The following GRIK1 variants were observed in gnomAD, a reference collection of about 807,000 sequenced individuals.
GRIK1 encodes the protein glutamate ionotropic receptor kainate type subunit 1.
GRIK1 carries 69 observed loss-of-function variants against 105.7 expected under a neutral mutation model. That is an observed-to-expected ratio of 0.65 (90% CI 0.54 to 0.80). GRIK1 has a LOEUF of 0.80. Among genes scored for constraint, GRIK1 ranks in the 30% least tolerant of loss-of-function variants. The pLI is 0.00. For missense variants in GRIK1, 1,109 were observed against 1,167.3 expected (o/e 0.95, Z 0.73); for synonymous variants, 438 against 431.3 (o/e 1.02, Z -0.19).
At chr21:29,692,546 A>G (rs1243219857) in intron 2 of GRIK1, among the ~76,000 whole-genome samples, 1 of 152,194 alleles carries the variant, frequency 6.6e-6, no homozygotes, top group Non-Finnish European at 1.5e-5. Flanking sequence ...AAGTCAGGCC[A>G]TAGATATAAA....
At chr21:29,846,448 AGAAG>A (rs199535259) in intron 1 of GRIK1, among the ~76,000 whole-genome samples, 1 of 73,722 alleles carries the variant, frequency 1.4e-5, no homozygotes, top group African/African-American at 7.8e-5. Flanking sequence ...AAAGAAGGAA[AGAAG>A]GAAAGAGAGA....
chr21:29,567,671 A>G (rs927423024), intron 14 of GRIK1, among the ~76,000 whole-genome samples: 1 of 152,232 alleles, frequency 6.6e-6, no homozygotes, highest in African/African-American at 2.4e-5. Flanking sequence ...CTGATTTAAG[A>G]CAACCCTTAA....
At chr21:29,903,925 C>T (rs1293858623) in intron 1 of GRIK1, among the ~76,000 whole-genome samples, 1 of 152,102 alleles carries the variant, frequency 6.6e-6, no homozygotes, top group African/African-American at 2.4e-5. Context: ...ACATATACAC[C>T]ATGGAATACC....
At chr21:29,840,197 T>C (rs1375727113) in intron 1 of GRIK1, among the ~76,000 whole-genome samples, 3 of 152,218 alleles carry the variant, frequency 2.0e-5, no homozygotes, top group African/African-American at 7.2e-5. Flanking sequence ...TCTTATTTTT[T>C]ATTTTAACTC....
intron 7 of GRIK1, among the ~76,000 whole-genome samples, chr21:29,611,961 CAAAG>C (rs1247871748): frequency 2.0e-5 from 3 of 152,232 alleles, no homozygotes; most frequent in Non-Finnish European, 4.4e-5. Context: ...TTTACAAAGA[CAAAG>C]AGCCTCTGCT....
intron 1 of GRIK1, among the ~76,000 whole-genome samples, chr21:29,768,580 G>A (rs1045924849): frequency 1.3e-5 from 2 of 152,180 alleles, no homozygotes; most frequent in Non-Finnish European, 2.9e-5. Context: ...CACTCCCATC[G>A]GTTAAGAATG....
At chr21:29,814,123 T>A (rs28680848) in intron 1 of GRIK1, among the ~76,000 whole-genome samples, 327 of 148,000 alleles carry the variant, frequency 2.2e-3, no homozygotes, top group South Asian at 8.7e-3. Flanking sequence ...AATTATTATT[T>A]TTTTTTTTGC....
At chr21:29,762,763 T>C (rs188369668) in intron 1 of GRIK1, among the ~76,000 whole-genome samples, 7 of 152,320 alleles carry the variant, frequency 4.6e-5, no homozygotes, top group African/African-American at 1.7e-4. Context: ...AGAGTCATGC[T>C]TTTCTCATCA....
chr21:29,733,070 C>T (rs2064681783), intron 1 of GRIK1, among the ~76,000 whole-genome samples: 1 of 152,064 alleles, frequency 6.6e-6, no homozygotes, highest in Admixed American at 6.6e-5. Context: ...TACATTTTGA[C>T]TGAGGGAGAT....
chr21:29,757,605 TA>T (rs1377241662), intron 1 of GRIK1, among the ~76,000 whole-genome samples: 1 of 152,178 alleles, frequency 6.6e-6, no homozygotes, highest in Admixed American at 6.5e-5. Flanking sequence ...AGGATAGCAT[TA>T]TTTTTTTAAG....
chr21:29,915,076 CAATT>C lies in GRIK1; in HGVS notation c.118+24303_118+24306del, dbSNP rs58115065. Among the ~76,000 whole-genome samples the C allele has an allele frequency of 2.8e-3, 419 of 152,074 alleles. 2 individuals carry two copies. Among genetic ancestry groups the C allele is most frequent in the African/African-American group, 9.0e-3 (373 of 41,496 alleles). ...AAAAGTATCATCAAAAAATGACTGT[CAATT>C]AATTAATGAAGACTTTAGTGATAGA... is the stretch of plus-strand genomic sequence containing the variant. On this transcript the variant is annotated intron_variant, in intron 1 of 17. Transcript: ENST00000327783.
intron 7 of GRIK1, among the ~76,000 whole-genome samples, chr21:29,605,482 T>C (rs1056207825): frequency 1.4e-4 from 21 of 152,176 alleles, no homozygotes; most frequent in Non-Finnish European, 2.9e-5. Context: ...GGCAATTGGG[T>C]TGGTTCCATG....
chr21:29,909,951 G>GTA (rs990888731), intron 1 of GRIK1, among the ~76,000 whole-genome samples: 78 of 152,158 alleles, frequency 5.1e-4, no homozygotes, highest in African/African-American at 1.9e-3. Context: ...ATATAATACT[G>GTA]TACAATGGCA....
At chr21:29,561,978 T>C (rs1377275107) in intron 14 of GRIK1, 129 bp from the exon 15 acceptor site, 6 of 644,764 alleles carry the variant, frequency 9.3e-6, no homozygotes, top group Admixed American at 2.4e-5. Context: ...GGAGTCAAGA[T>C]TGATGATCTC....
At chr21:29,540,628 G>A (rs1300180560) in intron 16 of GRIK1, among the ~76,000 whole-genome samples, 1 of 152,080 alleles carries the variant, frequency 6.6e-6, no homozygotes, top group Non-Finnish European at 1.5e-5. Context: ...CAGAATTAAG[G>A]ATACATATAA....
intron 7 of GRIK1, among the ~76,000 whole-genome samples, chr21:29,612,651 TA>T (rs1555848919): frequency 1.3e-5 from 2 of 152,200 alleles, no homozygotes; most frequent in Admixed American, 6.5e-5. Flanking sequence ...CAATCCATGA[TA>T]GAATTACTTT....
rs185817288 is a variant in GRIK1, at chr21:29,560,586, T to C, written c.2356+1038A>G. ...TTTCTTTCTTTCTTTCTCTCTTTCT[T>C]TCTTTCTCTCCTTCCTTCCTTCTTT... On this transcript the variant is annotated intron_variant, in intron 15 of 17. Coordinates refer to ENST00000327783, the MANE Select transcript of GRIK1 (RefSeq NM_001330994.2). Among the ~76,000 whole-genome samples, 1,045 of 123,430 alleles carry C rather than the reference T, an allele frequency of 8.5e-3. 4 individuals carry two copies. The highest frequency in any genetic ancestry group is 0.014 in the Non-Finnish European group (815 of 58,610). 81.0% of individuals were successfully genotyped at this position (123,430 alleles called of 152,430 possible). A position where few individuals can be genotyped will look rare whatever the true frequency, so the allele number is the denominator to read the frequency against.
At chr21:29,702,099 C>T (rs931697961) in intron 1 of GRIK1, among the ~76,000 whole-genome samples, 3 of 152,004 alleles carry the variant, frequency 2.0e-5, no homozygotes, top group African/African-American at 7.3e-5. Flanking sequence ...ATGATGGGAA[C>T]ACATGGACAC....
At chr21:29,539,368 T>C (rs558945440) in intron 16 of GRIK1, among the ~76,000 whole-genome samples, 1 of 152,268 alleles carries the variant, frequency 6.6e-6, no homozygotes, top group African/African-American at 2.4e-5. Flanking sequence ...GGCAAAATTA[T>C]CTATCCAGCC....
Sources: gnomAD v4.1 joint callset for allele counts (sites outside exome capture counted in the v4.1 genomes callset) on GRCh38, gnomAD v4.1.1 for gene constraint, MANE v1.5 for transcripts, NCBI Gene and HGNC (gene_info 2026-07-23, HGNC 2026-07-21) for gene names.